The following KIF3A variants were observed in gnomAD, a reference collection of about 807,000 sequenced individuals.
The protein encoded by KIF3A is kinesin family member 3A, also known as kinesin-like protein KIF3A.
Under a neutral mutation model 92.6 loss-of-function variants are expected in KIF3A, and 27 were observed. The observed-to-expected ratio is 0.29, with a 90% CI of 0.21 to 0.40. The LOEUF is 0.40. Ranked by LOEUF, KIF3A falls within the 10% of genes least tolerant of loss-of-function variation. The pLI, the probability that KIF3A is intolerant of heterozygous loss-of-function variation, is 1.00. For missense variants in KIF3A, 581 were observed against 872.6 expected (o/e 0.67, Z 4.21); for synonymous variants, 250 against 275.4 (o/e 0.91, Z 0.92).
At chr5:132,727,375 G>C (rs1189097931) in intron 2 of KIF3A, among the ~76,000 whole-genome samples, 3 of 152,176 alleles carry the variant, frequency 2.0e-5, no homozygotes, top group Non-Finnish European at 4.4e-5. Context: ...ATGGGAGTCA[G>C]GGACATCAAC....
intron 15 of KIF3A, among the ~76,000 whole-genome samples, chr5:132,701,502 C>CAAAAAA (rs5871462): frequency 9.9e-6 from 1 of 101,192 alleles, no homozygotes; most frequent in African/African-American, 3.6e-5. Flanking sequence ...GTCTCCCTGA[C>CAAAAAA]AAAAAAAAAA....
intron 8 of KIF3A, among the ~76,000 whole-genome samples, chr5:132,714,041 C>T (rs575236133): frequency 9.2e-5 from 14 of 151,962 alleles, no homozygotes; most frequent in African/African-American, 3.4e-4. Context: ...GGATTACAGG[C>T]GAGAGCCACC....
At chr5:132,703,287 C>A (rs1211223491) in intron 12 of KIF3A, among the ~76,000 whole-genome samples, 176 bp downstream of exon 12, 1 of 151,860 alleles carries the variant, frequency 6.6e-6, no homozygotes, top group African/African-American at 2.4e-5. Context: ...ATAAAATAAC[C>A]AAAATAGATC....
At chr5:132,727,525 T>C (rs1217509255) in intron 2 of KIF3A, among the ~76,000 whole-genome samples, 1 of 151,928 alleles carries the variant, frequency 6.6e-6, no homozygotes, top group Non-Finnish European at 1.5e-5. Flanking sequence ...AGAATGGAAA[T>C]TTTGAGGACT....
chr5:132,727,205 T>G (rs900666962), intron 2 of KIF3A, among the ~76,000 whole-genome samples: 2 of 152,210 alleles, frequency 1.3e-5, no homozygotes, highest in Non-Finnish European at 2.9e-5. Context: ...ATACCCAAAT[T>G]CATTCATTCA....
In KIF3A at chr5:132,734,588, C is replaced by T. The variant is rs991822809; in HGVS notation, c.7-110G>A. On this transcript the variant is annotated intron_variant, in intron 1 of 18. Transcript: ENST00000403231. Reference sequence around the variant, plus strand: ...CTTTTCCAACTCAGTGCCTTGCACACATTAAACACTTCACAGGTATTTGTT... The same window carrying T: ...CTTTTCCAACTCAGTGCCTTGCACATATTAAACACTTCACAGGTATTTGTT... 1.5e-5 allele frequency: 12 copies of T among 824,556 alleles called. No individual in the cohort carries two copies. In the African/African-American group the frequency reaches 2.1e-4, roughly 14 times the overall value. 51.1% of individuals were successfully genotyped at this position (824,556 alleles called of 1,614,324 possible).
intron 8 of KIF3A, among the ~76,000 whole-genome samples, chr5:132,715,389 T>C (rs1243714288): frequency 6.6e-6 from 1 of 152,228 alleles, no homozygotes. Flanking sequence ...CTTCAAACAA[T>C]AGTTAGTTGA....
At chr5:132,710,596 A>G (rs1461979383) in intron 9 of KIF3A, among the ~76,000 whole-genome samples, 2 of 152,238 alleles carry the variant, frequency 1.3e-5, no homozygotes, top group African/African-American at 4.8e-5. Context: ...AGCCTGGGCG[A>G]CAGAATGAGA....
chr5:132,716,902 T>G lies in KIF3A; in HGVS notation c.699A>C (p.Lys233Asn), dbSNP rs1753645190. ...IFTITIECSEKGIDGNMHVRM... is the reference protein window; with the variant it reads ...IFTITIECSENGIDGNMHVRM... ...TGACATGCATGTTACCATCAATGCC[T>G]TTTTCACTGCATTCTATAGTAATTG... The change falls in exon 6 of 19, where the codon AAA (lysine) becomes AAC (asparagine). Residue 233 changes from lysine to asparagine, a missense_variant. By Grantham distance (94) the Lys-to-Asn change is moderately conservative. Transcript: ENST00000403231. The G allele has an allele frequency of 6.2e-7, 1 of 1,612,702 alleles. No individual in the cohort carries two copies. The highest frequency in any genetic ancestry group is 1.3e-5 in the African/African-American group (1 of 74,884).
intron 15 of KIF3A, 149 bp from the exon 16 acceptor site, chr5:132,700,849 A>G (rs541758053): frequency 6.7e-4 from 352 of 521,792 alleles, no homozygotes; most frequent in Non-Finnish European, 1.1e-3. Flanking sequence ...TCTAAAATAC[A>G]TATTTCTTAG....
intron 8 of KIF3A, among the ~76,000 whole-genome samples, chr5:132,712,218 G>T (rs1753452357): frequency 6.6e-6 from 1 of 152,214 alleles, no homozygotes; most frequent in Admixed American, 6.5e-5. Context: ...GAAGGGACCA[G>T]AGAGAAGTGA....
Position 132,695,013 on chromosome 5 carries a change from A to G in KIF3A, c.*1621T>C, listed in dbSNP as rs182699542. On this transcript the variant is annotated 3_prime_UTR_variant, in exon 19 of 19. Transcript: ENST00000403231. ...TATACACAGCTTTGTCATTTAAACTAGGATTTAACAAAACTTATTAAAATA... is the reference window on the plus strand; with the variant it reads ...TATACACAGCTTTGTCATTTAAACTGGGATTTAACAAAACTTATTAAAATA... The G allele has an allele frequency of 2.0e-5, 3 of 152,342 alleles. No individual in the cohort carries two copies. The highest frequency in any genetic ancestry group is 2.0e-4 in the Admixed American group (3 of 15,298). 9.4% of individuals were successfully genotyped at this position (152,342 alleles called of 1,614,324 possible).
At chr5:132,729,372 A>G (rs1430060796) in intron 2 of KIF3A, among the ~76,000 whole-genome samples, 1 of 152,210 alleles carries the variant, frequency 6.6e-6, no homozygotes, top group Non-Finnish European at 1.5e-5. Flanking sequence ...GAATCACTTG[A>G]GTCCAGGAGG....
intron 18 of KIF3A, among the ~76,000 whole-genome samples, chr5:132,696,947 G>A (rs940471522): frequency 2.6e-5 from 4 of 152,196 alleles, no homozygotes; most frequent in Non-Finnish European, 5.9e-5. Context: ...TCCAAGACTA[G>A]ACTAGGTCAT....
intron 8 of KIF3A, among the ~76,000 whole-genome samples, chr5:132,714,388 G>C (rs1054787662): frequency 6.6e-6 from 1 of 152,308 alleles, no homozygotes; most frequent in East Asian, 1.9e-4. Flanking sequence ...CAGAAATGTA[G>C]ACTTAAATGT....
At chr5:132,724,834 T>C (rs1257800651) in intron 4 of KIF3A, among the ~76,000 whole-genome samples, 1 of 29,482 alleles carries the variant, frequency 3.4e-5, no homozygotes, top group African/African-American at 7.7e-5. Flanking sequence ...TATATATATA[T>C]ATATATATAT....
chr5:132,699,356 G>T, intron 17 of KIF3A, 61 bp from the exon 18 acceptor site: 2 of 1,559,868 alleles, frequency 1.3e-6, no homozygotes, highest in Non-Finnish European at 1.7e-6. Context: ...CAGATTTGGG[G>T]GAAGATTTAA....
chr5:132,720,515 C>G, intron 5 of KIF3A, 94 bp downstream of exon 5: 1 of 626,040 alleles, frequency 1.6e-6, no homozygotes, highest in Non-Finnish European at 2.8e-6. Context: ...CTAAAAAATC[C>G]AGTCTCTACA....
intron 11 of KIF3A, 152 bp from the exon 12 acceptor site, chr5:132,703,771 G>T: frequency 1.7e-6 from 1 of 579,026 alleles, no homozygotes; most frequent in Non-Finnish European, 3.0e-6. Flanking sequence ...ATAATATCAT[G>T]CATTTCCATT....
Sources: allele counts gnomAD v4.1 joint callset (sites outside exome capture counted in the v4.1 genomes callset), GRCh38; gene constraint gnomAD v4.1.1; transcripts MANE v1.5; gene names NCBI Gene and HGNC (gene_info 2026-07-23, HGNC 2026-07-21).